WDR25: variants seen among roughly 807,000 people sequenced by gnomAD.
The protein encoded by WDR25 is WD repeat-containing protein 25.
WDR25 carries 35 observed loss-of-function variants against 47.7 expected under a neutral mutation model. That is an observed-to-expected ratio of 0.73 (90% CI 0.56 to 0.97). The LOEUF (loss-of-function observed/expected upper bound fraction) is 0.97, where lower values mean the gene tolerates loss of function less well. Among genes scored for constraint, WDR25 ranks in the 50% least tolerant of loss-of-function variants. The probability of loss-of-function intolerance (pLI) is 0.00; values close to 1 mark genes in which losing one functional copy is unlikely to be tolerated. For missense variants in WDR25, 634 were observed against 704.7 expected, an observed-to-expected ratio of 0.90 and a Z score of 1.14; for synonymous variants, 248 against 278.9, an observed-to-expected ratio of 0.89 and a Z score of 1.10.
Position 100,381,430 on chromosome 14 carries a change from G to A in WDR25, c.506G>A (p.Cys169Tyr), listed in dbSNP as rs893572443. 10 of 1,614,220 alleles carry A rather than the reference G, an allele frequency of 6.2e-6. No individual in the cohort carries two copies. Among genetic ancestry groups the A allele is most frequent in the South Asian group, 2.2e-5 (2 of 91,088 alleles). The change falls in exon 2 of 7, where the codon TGT (cysteine) becomes TAT (tyrosine). Residue 169 changes from cysteine to tyrosine, a missense_variant. Coordinates refer to ENST00000402312, the MANE Select transcript of WDR25 (RefSeq NM_001161476.3). ...GGCAGCTCTTTTCAGAAGAAAAAAT[G>A]TGAGGACTGTGTGGTACCCTATACT... The part of the protein sequence containing the change: ...KNGSSFQKKK[C>Y]EDCVVPYTPR...
chr14:100,522,991 G>A (rs976841900), intron 4 of WDR25, among the ~76,000 whole-genome samples: 1 of 152,336 alleles, frequency 6.6e-6, no homozygotes, highest in African/African-American at 2.4e-5. Flanking sequence ...CTCAATCAGG[G>A]CCAGGGGAAG....
rs1159733935 is a variant in WDR25 at position 100,407,333 on chromosome 14, TCA to T, written c.822+25588_822+25589del. 2.0e-5 allele frequency: 3 copies of T among 152,176 alleles called. No homozygotes were observed. The highest frequency in any genetic ancestry group is 7.2e-5 in the African/African-American group (3 of 41,440). 9.4% of individuals were successfully genotyped at this position (152,176 alleles called of 1,614,324 possible). A position where few individuals can be genotyped will look rare whatever the true frequency, so the allele number is the denominator to read the frequency against. ...GTTTACTCTCAGGCTCACATACCTCTCAGAGTCCAGGAGGCAGTGAGGGAAAG... is the reference window on the plus strand; with the variant it reads ...GTTTACTCTCAGGCTCACATACCTCTGAGTCCAGGAGGCAGTGAGGGAAAG... On this transcript the variant is annotated intron_variant, in intron 2 of 6. Transcript: ENST00000402312. The surrounding 1 kb of genome is among the most constrained non-coding windows in gnomAD (Gnocchi z 4.1).
intron 3 of WDR25, among the ~76,000 whole-genome samples, chr14:100,482,754 G>A (rs1378222207): frequency 6.6e-6 from 1 of 152,214 alleles, no homozygotes; most frequent in Non-Finnish European, 1.5e-5. Flanking sequence ...ATGAGCAAGT[G>A]CTGCTTCCTG....
At position 100,452,093 on chromosome 14, in the gene WDR25, A is replaced by G. The variant is rs75966280; in HGVS notation, c.823-15928A>G. Among the ~76,000 whole-genome samples, 152 of 152,134 alleles carry G rather than the reference A, an allele frequency of 1.0e-3. 1 individual carries two copies. The highest frequency in any genetic ancestry group is 3.4e-3 in the African/African-American group (140 of 41,496). On this transcript the variant is annotated intron_variant, in intron 2 of 6. Transcript: ENST00000402312. ...TCTATTTCATTCCATTCATTCATCC[A>G]TCCATCCGTCCATCATCCATTCATA...
intron 2 of WDR25, among the ~76,000 whole-genome samples, chr14:100,386,248 A>G (rs1897014400): frequency 6.6e-6 from 1 of 152,226 alleles, no homozygotes; most frequent in South Asian, 2.1e-4. Context: ...AGAAACAGAA[A>G]TCATTGATAA....
Position 100,404,447 on chromosome 14 carries a change from C to T in WDR25, c.822+22701C>T, listed in dbSNP as rs913782281. Among the ~76,000 whole-genome samples, 5 of 152,256 alleles carry T rather than the reference C, an allele frequency of 3.3e-5. No homozygotes were observed. The highest frequency in any genetic ancestry group is 1.2e-4 in the African/African-American group (5 of 41,474). Reference sequence around the variant, plus strand: ...GTTTACCACTGACAGTGTCATTTCTCATGTGGTTTTCACCTTGACCTTACC... The same window carrying T: ...GTTTACCACTGACAGTGTCATTTCTTATGTGGTTTTCACCTTGACCTTACC... On this transcript the variant is annotated intron_variant, in intron 2 of 6. Transcript: ENST00000402312. The surrounding 1 kb of genome is among the most constrained non-coding windows in gnomAD (Gnocchi z 4.6).
At chr14:100,462,724 C>CATA (rs1899456984) in intron 2 of WDR25, among the ~76,000 whole-genome samples, 1 of 152,150 alleles carries the variant, frequency 6.6e-6, no homozygotes, top group Non-Finnish European at 1.5e-5. Flanking sequence ...TCATAGAGTT[C>CATA]AAGTTTTTTG....
intron 3 of WDR25, among the ~76,000 whole-genome samples, chr14:100,471,556 C>T (rs10145615): frequency 0.56 from 85,615 of 152,032 alleles, 24,948 homozygotes; most frequent in Admixed American, 0.7. Flanking sequence ...TGCCTTTTTC[C>T]GCCCTTGGTG....
At chr14:100,482,112 C>G (rs938787357) in intron 3 of WDR25, among the ~76,000 whole-genome samples, 1 of 151,956 alleles carries the variant, frequency 6.6e-6, no homozygotes, top group African/African-American at 2.4e-5. Flanking sequence ...AAAATGTCTC[C>G]CATGTGGCCA....
At chr14:100,437,414 G>A (rs1898533583) in intron 2 of WDR25, among the ~76,000 whole-genome samples, 1 of 152,212 alleles carries the variant, frequency 6.6e-6, no homozygotes, top group African/African-American at 2.4e-5. Context: ...CAGTGCCCAA[G>A]AAGTGGTACT....
rs759384168 is a variant in WDR25, at chr14:100,529,241, G to A, written c.1413+33G>A. ...TGTCCTTGTCCCCCAGGCGAATGCT[G>A]AGCCCCAGCCCCAAGCCTCCTGGCA... On this transcript the variant is annotated intron_variant, in intron 6 of 6. Coordinates refer to ENST00000402312, the MANE Select transcript of WDR25 (RefSeq NM_001161476.3). The surrounding 1 kb of genome is among the most constrained non-coding windows in gnomAD (Gnocchi z 5.1). 1.4e-5 allele frequency: 23 copies of A among 1,611,590 alleles called. No individual in the cohort carries two copies. Among genetic ancestry groups the A allele is most frequent in the Non-Finnish European group, 1.8e-5 (21 of 1,179,532 alleles).
chr14:100,441,077 C>T (rs1898654724), intron 2 of WDR25, among the ~76,000 whole-genome samples: 1 of 152,138 alleles, frequency 6.6e-6, no homozygotes, highest in South Asian at 2.1e-4. Context: ...ACATACAGAG[C>T]CCTGTCTGGT....
chr14:100,382,556 G>C (rs1297664725), intron 2 of WDR25, among the ~76,000 whole-genome samples: 1 of 152,150 alleles, frequency 6.6e-6, no homozygotes, highest in Non-Finnish European at 1.5e-5. Context: ...TTATTTTACA[G>C]GCTACTGAAG....
At chr14:100,521,962 A>T (rs1321594007) in intron 4 of WDR25, among the ~76,000 whole-genome samples, 1 of 152,214 alleles carries the variant, frequency 6.6e-6, no homozygotes, top group African/African-American at 2.4e-5. Context: ...TGTTAATTTG[A>T]TAGGCAAGTA....
rs950038566 is a variant in WDR25 at position 100,498,781 on chromosome 14, G to A, written c.1101+14657G>A. Among the ~76,000 whole-genome samples, 1 of 152,302 alleles carries A rather than the reference G, an allele frequency of 6.6e-6. No homozygotes were observed. Among genetic ancestry groups the A allele is most frequent in the South Asian group, 2.1e-4 (1 of 4,830 alleles). ...CTGTATTCCATTCCAAGCCCTGCTG[G>A]CCAGGCCACGCCCCTGATTTGGAAT... On this transcript the variant is annotated intron_variant, in intron 4 of 6. Coordinates refer to ENST00000402312, the MANE Select transcript of WDR25 (RefSeq NM_001161476.3). The surrounding 1 kb of genome is among the most constrained non-coding windows in gnomAD (Gnocchi z 4.2).
At position 100,529,265 on chromosome 14, in the gene WDR25, C is replaced by A. The variant is rs1294273809; in HGVS notation, c.1413+57C>A. ...TGAGCCCCAGCCCCAAGCCTCCTGGCAGTCCTGGACATGGGCCCTGGGGTG... is the reference window on the plus strand; with the variant it reads ...TGAGCCCCAGCCCCAAGCCTCCTGGAAGTCCTGGACATGGGCCCTGGGGTG... On this transcript the variant is annotated intron_variant, in intron 6 of 6. Transcript: ENST00000402312. This position sits in a 1 kb window ranked among gnomAD's most constrained non-coding sequence, Gnocchi z 5.1. The A allele has an allele frequency of 1.9e-6, 3 of 1,606,306 alleles. No homozygotes were observed. Among genetic ancestry groups the A allele is most frequent in the African/African-American group, 2.7e-5 (2 of 74,990 alleles).
chr14:100,459,951 TACACAC>T (rs1306058429), intron 2 of WDR25, among the ~76,000 whole-genome samples: 2 of 92,282 alleles, frequency 2.2e-5, no homozygotes, highest in South Asian at 8.0e-4. Context: ...CACATACACA[TACACAC>T]ACATATACAC....
At chr14:100,471,041 T>A (rs1442656071) in intron 3 of WDR25, among the ~76,000 whole-genome samples, 2 of 152,204 alleles carry the variant, frequency 1.3e-5, no homozygotes, top group African/African-American at 2.4e-5. Flanking sequence ...GACTTGGTGC[T>A]GAGGCCACAG....
intron 2 of WDR25, among the ~76,000 whole-genome samples, chr14:100,419,053 T>C (rs912103872): frequency 6.6e-6 from 1 of 151,980 alleles, no homozygotes; most frequent in Admixed American, 6.6e-5. Context: ...ACCCCATCTC[T>C]ACTAAAAATA....
Sources: gnomAD v4.1 joint callset for allele counts (sites outside exome capture counted in the v4.1 genomes callset) on GRCh38, gnomAD v4.1.1 for gene constraint, Gnocchi (gnomAD v3.1) non-coding constraint, MANE v1.5 for transcripts, NCBI Gene and HGNC (gene_info 2026-07-23, HGNC 2026-07-21) for gene names.